VPS13D: variants seen among roughly 807,000 people sequenced by gnomAD.
VPS13D encodes the protein intermembrane lipid transfer protein VPS13D.
In VPS13D, 187 loss-of-function variants were observed where a neutral mutation model predicts 461.9. The observed-to-expected ratio is 0.40, with a 90% CI of 0.36 to 0.46. The LOEUF (loss-of-function observed/expected upper bound fraction) is 0.46, where lower values mean the gene tolerates loss of function less well. Ranked by LOEUF, VPS13D falls within the 20% of genes least tolerant of loss-of-function variation. VPS13D has a pLI of 0.60. For synonymous variants in VPS13D, 1,951 were observed against 1,986.3 expected, an observed-to-expected ratio of 0.98 and a Z score of 0.47; for missense variants, 4,711 against 5,364.9, an observed-to-expected ratio of 0.88 and a Z score of 3.81.
chr1:12,480,708 A>G (rs2206321), intron 67 of VPS13D, among the ~76,000 whole-genome samples: 27,221 of 152,218 alleles, frequency 0.18, 3,976 homozygotes, highest in African/African-American at 0.39. Flanking sequence ...CTGTTTAACC[A>G]TACCTAAAAA....
Position 12,266,805 on chromosome 1 carries a change from T to A in VPS13D, c.1595-76T>A, listed in dbSNP as rs57501782. 2,281 of 1,260,672 alleles carry A rather than the reference T, an allele frequency of 1.8e-3. 28 individuals carry two copies. In the African/African-American group the frequency reaches 0.031, roughly 17 times the overall value. 78.1% of individuals were successfully genotyped at this position (1,260,672 alleles called of 1,614,324 possible). ...TCATCTATAATAATCTTCTGTAAAA[T>A]AGAATATCTAATATTTTCAAAAACA... On this transcript the variant is annotated intron_variant, in intron 13 of 69. Coordinates refer to ENST00000620676, the MANE Select transcript of VPS13D (RefSeq NM_015378.4).
intron 43 of VPS13D, among the ~76,000 whole-genome samples, chr1:12,345,982 T>C (rs1643667269): frequency 6.6e-6 from 1 of 152,194 alleles, no homozygotes; most frequent in Non-Finnish European, 1.5e-5. Context: ...TTCCTGCCTG[T>C]AGTCCCAGTG....
At chr1:12,289,462 C>A (rs1642062706) in intron 22 of VPS13D, among the ~76,000 whole-genome samples, 1 of 151,838 alleles carries the variant, frequency 6.6e-6, no homozygotes, top group South Asian at 2.1e-4. Flanking sequence ...CATGTTGATG[C>A]TGTAGTAAAA....
At chr1:12,403,174 G>A (rs1413573716) in intron 62 of VPS13D, among the ~76,000 whole-genome samples, 1 of 152,216 alleles carries the variant, frequency 6.6e-6, no homozygotes, top group East Asian at 1.9e-4. Flanking sequence ...TGCCCAGTTG[G>A]ATGTGCATAC....
chr1:12,283,509 T>C lies in VPS13D; in HGVS notation c.5407T>C (p.Tyr1803His). ...DKKHPEFSSS[Y>H]NRVNRSIDVD... is the part of the protein sequence containing the mutation. ...GAAACATCCAGAATTCTCTTCCAGT[T>C]ACAATCGAGTTAACCGGAGCATTGA... The change falls in exon 21 of 70, where the codon TAC (tyrosine) becomes CAC (histidine). Residue 1803 changes from tyrosine to histidine, a missense_variant. Physicochemically the swap from Tyr to His is moderately conservative, Grantham distance 83. This residue lies in a region of VPS13D where 4,411 missense variants were observed against 4,937.8 expected (regional missense o/e 0.89). Transcript: ENST00000620676. 1.2e-6 allele frequency: 2 copies of C among 1,614,246 alleles called. No homozygotes were observed. Among genetic ancestry groups the C allele is most frequent in the South Asian group, 2.2e-5 (2 of 91,090 alleles).
intron 5 of VPS13D, among the ~76,000 whole-genome samples, chr1:12,247,955 C>A (rs1569666494): frequency 1.3e-5 from 2 of 148,404 alleles, no homozygotes; most frequent in African/African-American, 2.5e-5. Context: ...TGGCGTGATC[C>A]CGGCTCACTG....
In VPS13D at chr1:12,396,029, A is replaced by ATATATATATATT. The variant is rs1553187933; in HGVS notation, c.11635-4152_11635-4151insTATATATATATT. 8.2e-3 allele frequency among the ~76,000 whole-genome samples: 983 copies of ATATATATATATT among 119,734 alleles called. 53 individuals are homozygous for ATATATATATATT. Among genetic ancestry groups the ATATATATATATT allele is most frequent in the African/African-American group, 0.014 (368 of 26,122 alleles). 78.6% of individuals were successfully genotyped at this position (119,734 alleles called of 152,430 possible). On this transcript the variant is annotated intron_variant, in intron 60 of 69. Transcript: ENST00000620676. ...TATATATATATATATATATATATAT[A>ATATATATATATT]GTTCTTTAAGATCAATAAAATTAAT...
intron 14 of VPS13D, 140 bp from the exon 15 acceptor site, chr1:12,267,705 C>T (rs1641314638): frequency 1.3e-6 from 1 of 755,230 alleles, no homozygotes; most frequent in South Asian, 1.6e-5. Flanking sequence ...AACAATTCTG[C>T]AAGTAGTCAA....
In VPS13D at chr1:12,354,327, T is replaced by A. The variant is rs536077446; in HGVS notation, c.9679+106T>A. 3 of 1,372,870 alleles carry A rather than the reference T, an allele frequency of 2.2e-6. No individual in the cohort carries two copies. The African/African-American group carries it at 4.3e-5, about 20-fold the overall frequency. The allele number at this position is 1,372,870 out of a possible 1,614,324, so 85.0% of individuals were successfully genotyped here. A position where few individuals can be genotyped will look rare whatever the true frequency, so the allele number is the denominator to read the frequency against. On this transcript the variant is annotated intron_variant, in intron 47 of 69. Coordinates refer to ENST00000620676, the MANE Select transcript of VPS13D (RefSeq NM_015378.4). ...CATCTTGGAGAAATTGGGGCACATA[T>A]AATATCTCAATAAGCCAGCTCAAAG...
At chr1:12,349,116 G>A (rs1307047088) in intron 45 of VPS13D, 48 bp from the exon 46 acceptor site, 1 of 1,611,686 alleles carries the variant, frequency 6.2e-7, no homozygotes, top group Admixed American at 1.7e-5. Flanking sequence ...TCAATCTTTG[G>A]GGTGGAGGAC....
chr1:12,390,253 G>A (rs1250388245), intron 60 of VPS13D, among the ~76,000 whole-genome samples: 1 of 152,142 alleles, frequency 6.6e-6, no homozygotes, highest in African/African-American at 2.4e-5. Context: ...GGCCATGGGA[G>A]AAACAGTACC....
Position 12,456,034 on chromosome 1 carries a change from A to G in VPS13D, c.12370A>G (p.Met4124Val). Residue 4124 changes from methionine (M) to valine (V), a missense_variant, in exon 66 of 70, where the codon ATG becomes GTG. Met to Val is a conservative substitution (Grantham distance 21). Around this residue, in one of 3 missense-constraint regions of VPS13D, gnomAD observed 106 missense variants for 206.2 expected, o/e 0.51. Transcript: ENST00000620676. ...GTLSDGLGKT[M>V]DNRHQSEREY... ...ATTATCAGATGGCTTAGGGAAGACGATGGACAATCGGCATCAGTCAGAGCG... is the reference window on the plus strand; with the variant it reads ...ATTATCAGATGGCTTAGGGAAGACGGTGGACAATCGGCATCAGTCAGAGCG... The G allele has an allele frequency of 6.2e-7, 1 of 1,613,686 alleles. No individual in the cohort carries two copies. The highest frequency in any genetic ancestry group is 8.5e-7 in the Non-Finnish European group (1 of 1,179,798).
At chr1:12,462,841 T>C (rs1645429773) in intron 67 of VPS13D, among the ~76,000 whole-genome samples, 1 of 152,216 alleles carries the variant, frequency 6.6e-6, no homozygotes, top group Non-Finnish European at 1.5e-5. Context: ...TAGCCTTATC[T>C]GGACCTCAGC....
intron 62 of VPS13D, chr1:12,402,645 G>T (rs1304130989): frequency 1.3e-5 from 2 of 152,158 alleles, no homozygotes; most frequent in African/African-American, 4.8e-5. Context: ...TTCCACTTTG[G>T]GTTGGAACGC....
At chr1:12,399,854 C>G (rs1270886784) in intron 60 of VPS13D, among the ~76,000 whole-genome samples, 1 of 151,992 alleles carries the variant, frequency 6.6e-6, no homozygotes, top group Non-Finnish European at 1.5e-5. Context: ...TCATCGTGTA[C>G]AACATGATGT....
chr1:12,472,637 C>T (rs1235045901), intron 67 of VPS13D, among the ~76,000 whole-genome samples: 2 of 152,184 alleles, frequency 1.3e-5, no homozygotes, highest in Non-Finnish European at 2.9e-5. Context: ...GGATTTGTGC[C>T]ATTTGTATCC....
At chr1:12,435,045 T>A (rs1645042361) in intron 65 of VPS13D, among the ~76,000 whole-genome samples, 1 of 152,254 alleles carries the variant, frequency 6.6e-6, no homozygotes, top group Non-Finnish European at 1.5e-5. Flanking sequence ...CCCTGCGGAA[T>A]ATGTTAGTGT....
chr1:12,370,257 C>T (rs1011379467), intron 54 of VPS13D, among the ~76,000 whole-genome samples: 2 of 152,108 alleles, frequency 1.3e-5, no homozygotes, highest in African/African-American at 2.4e-5. Flanking sequence ...GTTAGATTGC[C>T]ACGCAGAGAT....
chr1:12,459,054 C>T (rs765469559), intron 66 of VPS13D, among the ~76,000 whole-genome samples: 3 of 152,176 alleles, frequency 2.0e-5, no homozygotes, highest in Non-Finnish European at 4.4e-5. Context: ...TTATTTCAAG[C>T]ATCCAGTGGG....
Sources: gnomAD v4.1 joint callset for allele counts (sites outside exome capture counted in the v4.1 genomes callset) on GRCh38, gnomAD v4.1.1 for gene constraint, gnomAD v4.1.1 regional missense constraint, MANE v1.5 for transcripts, NCBI Gene and HGNC (gene_info 2026-07-23, HGNC 2026-07-21) for gene names.